BMERB1: variants seen among roughly 807,000 people sequenced by gnomAD.
BMERB1 encodes bMERB domain containing 1.
BMERB1 carries 12 observed loss-of-function variants against 23.6 expected under a neutral mutation model. The ratio of observed to expected loss-of-function variants is 0.51; its 90% CI spans 0.33 to 0.82. The LOEUF is 0.82. BMERB1 is among the 40% of genes least tolerant of loss of function. The probability of loss-of-function intolerance (pLI) is 0.03; values close to 1 mark genes in which losing one functional copy is unlikely to be tolerated. For missense variants in BMERB1, 247 were observed against 255.4 expected (o/e 0.97, Z 0.22); for synonymous variants, 122 against 96.6 (o/e 1.26, Z -1.54).
At chr16:15,562,918 A>C (rs1016791317) in intron 2 of BMERB1, among the ~76,000 whole-genome samples, 1 of 152,228 alleles carries the variant, frequency 6.6e-6, no homozygotes, top group Non-Finnish European at 1.5e-5. Flanking sequence ...CAAGAGATGC[A>C]GGCTGAAGCA....
At chr16:15,484,593 G>C (rs778808447) in intron 1 of BMERB1, among the ~76,000 whole-genome samples, 2 of 152,014 alleles carry the variant, frequency 1.3e-5, no homozygotes, top group Non-Finnish European at 2.9e-5. Flanking sequence ...GTAGAGACAG[G>C]GTTTCACCAT....
At chr16:15,535,418 T>A (rs554870155) in intron 2 of BMERB1, among the ~76,000 whole-genome samples, 2 of 151,650 alleles carry the variant, frequency 1.3e-5, no homozygotes, top group Admixed American at 6.6e-5. Context: ...GAGGCCAAGG[T>A]GGGTGGATCA....
At chr16:15,542,971 C>T (rs554337274) in intron 2 of BMERB1, among the ~76,000 whole-genome samples, 2 of 152,260 alleles carry the variant, frequency 1.3e-5, no homozygotes, top group African/African-American at 4.8e-5. Context: ...TTAACCAGTT[C>T]AGTGGAGATT....
intron 2 of BMERB1, among the ~76,000 whole-genome samples, chr16:15,535,167 T>C (rs556322760): frequency 6.6e-6 from 1 of 151,850 alleles, no homozygotes; most frequent in South Asian, 2.1e-4. Flanking sequence ...TTGGGCAACA[T>C]AGCAAGACCC....
intron 1 of BMERB1, among the ~76,000 whole-genome samples, chr16:15,442,603 G>A (rs967434251): frequency 6.6e-6 from 1 of 152,098 alleles, no homozygotes; most frequent in Non-Finnish European, 1.5e-5. Context: ...GGACTGATTA[G>A]TTATTAAACA....
intron 1 of BMERB1, among the ~76,000 whole-genome samples, chr16:15,466,916 T>C (rs1404826165): frequency 1.3e-5 from 2 of 152,228 alleles, no homozygotes; most frequent in Non-Finnish European, 2.9e-5. Context: ...AATTTTGTCA[T>C]TTCAAGAATA....
At chr16:15,519,074 TACACACAC>T (rs145892599) in intron 2 of BMERB1, among the ~76,000 whole-genome samples, 83 of 140,604 alleles carry the variant, frequency 5.9e-4, no homozygotes, top group African/African-American at 1.5e-3. Flanking sequence ...ACAATCCTCT[TACACACAC>T]ACACACACAC....
intron 1 of BMERB1, chr16:15,502,375 A>C (rs1261572556): frequency 1.3e-6 from 2 of 1,550,384 alleles, no homozygotes; most frequent in Non-Finnish European, 8.7e-7. Context: ...GTGCAAAGAA[A>C]GGTATGATCG....
chr16:15,577,645 T>C (rs1313686458), intron 3 of BMERB1, among the ~76,000 whole-genome samples: 1 of 132,382 alleles, frequency 7.6e-6, no homozygotes, highest in Non-Finnish European at 1.5e-5. Flanking sequence ...GTTGGCATGT[T>C]CCGGGGTTTT....
At chr16:15,545,187 G>T (rs2052121983) in intron 2 of BMERB1, among the ~76,000 whole-genome samples, 1 of 152,012 alleles carries the variant, frequency 6.6e-6, no homozygotes, top group Non-Finnish European at 1.5e-5. Context: ...TGGCCAGGCT[G>T]GTCTCGAACT....
intron 1 of BMERB1, among the ~76,000 whole-genome samples, chr16:15,471,594 G>A (rs2051229192): frequency 6.6e-6 from 1 of 152,104 alleles, no homozygotes; most frequent in Admixed American, 6.6e-5. Flanking sequence ...AGTGCTTTGT[G>A]TCCTCTCTCT....
intron 2 of BMERB1, among the ~76,000 whole-genome samples, chr16:15,520,786 C>T (rs1480477385): frequency 1.3e-5 from 2 of 152,140 alleles, no homozygotes; most frequent in Non-Finnish European, 1.5e-5. Flanking sequence ...TGCACCCGGC[C>T]CATAGATACT....
chr16:15,580,792 A>G lies in BMERB1; in HGVS notation c.305-425A>G, dbSNP rs372319518. 4.2e-4 allele frequency among the ~76,000 whole-genome samples: 62 copies of G among 148,492 alleles called. 1 individual carries two copies. The South Asian group carries it at 5.6e-3, about 13-fold the overall frequency. On this transcript the variant is annotated intron_variant, in intron 3 of 5. Transcript: ENST00000300006. Reference sequence around the variant, plus strand: ...GATCTCCTGACCTCGTGATCCGCCCACCTTGGCCTCCCAAAGTGCTGGGAT... The same window carrying G: ...GATCTCCTGACCTCGTGATCCGCCCGCCTTGGCCTCCCAAAGTGCTGGGAT...
intron 2 of BMERB1, among the ~76,000 whole-genome samples, chr16:15,518,709 C>T (rs997427118): frequency 1.3e-5 from 2 of 151,834 alleles, no homozygotes; most frequent in Non-Finnish European, 2.9e-5. Context: ...CAAAATTTGC[C>T]TGATGCTGCA....
At chr16:15,458,234 T>A (rs187757991) in intron 1 of BMERB1, among the ~76,000 whole-genome samples, 1 of 152,304 alleles carries the variant, frequency 6.6e-6, no homozygotes, top group East Asian at 1.9e-4. Flanking sequence ...CCTCTGTAAA[T>A]AGCACACACT....
chr16:15,466,791 A>G (rs748765916), intron 1 of BMERB1, among the ~76,000 whole-genome samples: 3 of 152,154 alleles, frequency 2.0e-5, no homozygotes, highest in Non-Finnish European at 2.9e-5. Context: ...GACTATCAAC[A>G]AAGTCAAGAT....
intron 1 of BMERB1, among the ~76,000 whole-genome samples, chr16:15,440,020 G>A (rs1159846901): frequency 2.6e-5 from 4 of 151,978 alleles, no homozygotes; most frequent in African/African-American, 7.3e-5. Flanking sequence ...TGAGGTGGGC[G>A]GATCGCTTGA....
At chr16:15,499,858 T>C (rs1342295823) in intron 1 of BMERB1, among the ~76,000 whole-genome samples, 2 of 152,146 alleles carry the variant, frequency 1.3e-5, no homozygotes, top group Admixed American at 6.6e-5. Flanking sequence ...ATCAAAGACC[T>C]TCCAGCTCCA....
chr16:15,553,562 T>C (rs1021444472), intron 2 of BMERB1, among the ~76,000 whole-genome samples: 3 of 152,254 alleles, frequency 2.0e-5, no homozygotes, highest in Non-Finnish European at 2.9e-5. Flanking sequence ...CAGACAATGC[T>C]GAAATGAATG....
Sources: allele counts gnomAD v4.1 joint callset (sites outside exome capture counted in the v4.1 genomes callset), GRCh38; gene constraint gnomAD v4.1.1; transcripts MANE v1.5; gene names NCBI Gene and HGNC (gene_info 2026-07-23, HGNC 2026-07-21).